The following NT5C1B variants were observed in gnomAD, a reference collection of about 807,000 sequenced individuals.
NT5C1B encodes 5'-nucleotidase, cytosolic IB, also known as cytosolic 5'-nucleotidase 1B.
A neutral mutation model predicts 57.8 loss-of-function variants in NT5C1B; 44 were observed. That is an observed-to-expected ratio of 0.76 (90% CI 0.60 to 0.98). The LOEUF is 0.98. NT5C1B is among the 50% of genes least tolerant of loss of function. The probability of loss-of-function intolerance (pLI) is 0.00; values close to 1 mark genes in which losing one functional copy is unlikely to be tolerated. For synonymous variants in NT5C1B, 284 were observed against 282.6 expected (o/e 1.00, Z -0.05); for missense variants, 742 against 719.5 (o/e 1.03, Z -0.36).
At chr2:18,568,087 GACACACACACACACACACACAC>G (rs3046807) in intron 8 of NT5C1B, among the ~76,000 whole-genome samples, 24 of 142,598 alleles carry the variant, frequency 1.7e-4, no homozygotes, top group Non-Finnish European at 2.4e-4. Context: ...AATGCTGTGG[GACACACACACACACACACACAC>G]ACACACACAC....
At position 18,589,560 on chromosome 2, in the gene NT5C1B, C is replaced by T; in HGVS notation, c.-92G>A. 1.3e-6 allele frequency: 2 copies of T among 1,580,938 alleles called. No individual in the cohort carries two copies. The highest frequency in any genetic ancestry group is 1.1e-5 in the South Asian group (1 of 90,250). On this transcript the variant is annotated 5_prime_UTR_variant, in exon 1 of 9. It removes an upstream start codon present in the reference 5' UTR. Transcript: ENST00000304081. Reference sequence around the variant, plus strand: ...ACTTCCCTTGCTCAGTCTAGCTTTGCATTTAGAATGTCAAATTTATGACAT... The same window carrying T: ...ACTTCCCTTGCTCAGTCTAGCTTTGTATTTAGAATGTCAAATTTATGACAT...
intron 8 of NT5C1B, among the ~76,000 whole-genome samples, chr2:18,567,542 A>T (rs1193893431): frequency 1.3e-5 from 2 of 152,206 alleles, no homozygotes; most frequent in Non-Finnish European, 2.9e-5. Context: ...AAAGTCGACT[A>T]GAAATCTTGA....
intron 2 of NT5C1B, 81 bp downstream of exon 2, chr2:18,587,419 TCCC>T: frequency 6.4e-7 from 1 of 1,572,834 alleles, no homozygotes; most frequent in Non-Finnish European, 8.6e-7. Context: ...TGGTCTTCTC[TCCC>T]AGAACTCCCT....
In NT5C1B at chr2:18,584,672, G is replaced by T. The variant is rs1018978782; in HGVS notation, c.565C>A (p.Arg189Ser). Residue 189 changes from arginine to serine, a missense_variant, in exon 4 of 9, where the codon CGC becomes AGC. Transcript: ENST00000304081. This position sits in a 1 kb window ranked among gnomAD's most constrained non-coding sequence, Gnocchi z 5.8. ...GTGGAGGCGGGGTAGATCCCCCTGC[G>T]CTGGCTGGAGGACTTCCACTCGGTG... 3.1e-6 allele frequency: 5 copies of T among 1,612,232 alleles called. No individual in the cohort carries two copies. Among genetic ancestry groups the T allele is most frequent in the East Asian group, 4.5e-5 (2 of 44,800 alleles).
Position 18,584,389 on chromosome 2 carries a change from G to T in NT5C1B, c.723+125C>A. On this transcript the variant is annotated intron_variant, in intron 4 of 8. Coordinates refer to ENST00000304081, the Ensembl canonical transcript of NT5C1B. The surrounding 1 kb of genome is among the most constrained non-coding windows in gnomAD (Gnocchi z 5.8). ...AAGCGGGATGCTGGAGACAGCTGAGGCTGGGACTCCCCGAAGTTTGGGGAG... is the reference window on the plus strand; with the variant it reads ...AAGCGGGATGCTGGAGACAGCTGAGTCTGGGACTCCCCGAAGTTTGGGGAG... 1 of 1,530,428 alleles carries T rather than the reference G, an allele frequency of 6.5e-7. No individual in the cohort carries two copies. Among genetic ancestry groups the T allele is most frequent in the Non-Finnish European group, 8.8e-7 (1 of 1,139,250 alleles). 94.8% of individuals were successfully genotyped at this position (1,530,428 alleles called of 1,614,324 possible).
chr2:18,584,926 T>C lies in NT5C1B; in HGVS notation c.311A>G (p.His104Arg), dbSNP rs1219681070. 6.5e-7 allele frequency: 1 copy of C among 1,546,538 alleles called. No individual in the cohort carries two copies. Among genetic ancestry groups the C allele is most frequent in the East Asian group, 2.3e-5 (1 of 44,162 alleles). ...GGACAGCGGCGGCGGTGAGGAGTCATGCAGGCTTGGGGAGGTGGATGGAGT... is the reference window on the plus strand; with the variant it reads ...GGACAGCGGCGGCGGTGAGGAGTCACGCAGGCTTGGGGAGGTGGATGGAGT... The change falls in exon 4 of 9, where the codon CAT (histidine) becomes CGT (arginine). Residue 104 changes from histidine (H) to arginine (R), a missense_variant. Transcript: ENST00000304081. This position sits in a 1 kb window ranked among gnomAD's most constrained non-coding sequence, Gnocchi z 5.8.
chr2:18,575,324 T>C (rs1204891657), intron 8 of NT5C1B, among the ~76,000 whole-genome samples: 1 of 152,082 alleles, frequency 6.6e-6, no homozygotes, highest in Non-Finnish European at 1.5e-5. Context: ...CACACTCCCA[T>C]AGTTTAAATA....
intron 6 of NT5C1B, among the ~76,000 whole-genome samples, 161 bp downstream of exon 6, chr2:18,582,707 G>A (rs1239461291): frequency 6.6e-6 from 1 of 152,194 alleles, no homozygotes; most frequent in Non-Finnish European, 1.5e-5. Flanking sequence ...AATGAACATG[G>A]CCTCTCTTGT....
intron 8 of NT5C1B, among the ~76,000 whole-genome samples, chr2:18,569,161 G>C (rs1024497527): frequency 6.6e-6 from 1 of 152,170 alleles, no homozygotes; most frequent in Admixed American, 6.5e-5. Context: ...ATGTTGTAGA[G>C]TATAACATTG....
intron 3 of NT5C1B, 93 bp downstream of exon 3, chr2:18,586,157 AGCAC>A: frequency 6.6e-7 from 1 of 1,516,890 alleles, no homozygotes; most frequent in Non-Finnish European, 8.9e-7. Context: ...ACACATGTAA[AGCAC>A]ATAAACAGGG....
rs780535103 is a variant in NT5C1B at position 18,576,151 on chromosome 2, A to G, written c.1329+33T>C. On this transcript the variant is annotated intron_variant, in intron 8 of 8. Transcript: ENST00000304081. ...TTTATATATTAGAAAATAAATAAGT[A>G]CATAAAAATTAATTAGCACTCATTG... The G allele has an allele frequency of 2.9e-5, 45 of 1,547,516 alleles. No homozygotes were observed. The South Asian group carries it at 5.3e-4, about 18-fold the overall frequency.
At chr2:18,577,881 A>G (rs181773663) in intron 6 of NT5C1B, among the ~76,000 whole-genome samples, 1 of 152,248 alleles carries the variant, frequency 6.6e-6, no homozygotes, top group Non-Finnish European at 1.5e-5. Context: ...ACAAAGAAAA[A>G]CAGAGAGAAA....
At position 18,581,711 on chromosome 2, in the gene NT5C1B, A is replaced by C. The variant is rs1666201779; in HGVS notation, c.1021+1157T>G. 2.6e-5 allele frequency among the ~76,000 whole-genome samples: 4 copies of C among 152,210 alleles called. No homozygotes were observed. In the South Asian group the frequency reaches 8.3e-4, roughly 32 times the overall value. On this transcript the variant is annotated intron_variant, in intron 6 of 8. Coordinates refer to ENST00000304081, the Ensembl canonical transcript of NT5C1B. ...TTATTTGGTGACACTGAGACTCCAG[A>C]AATGATTAAAGCATCATCCCTCTTC... is the stretch of plus-strand genomic sequence containing the variant.
At chr2:18,563,917 C>A in exon 9 of NT5C1B, 1 of 1,614,170 alleles carries the variant, frequency 6.2e-7, no homozygotes, top group Non-Finnish European at 8.5e-7. Flanking sequence ...CAAGATGGGA[C>A]TTTTGGGGGC....
chr2:18,582,849 T>A lies in NT5C1B; in HGVS notation c.1021+19A>T. ...CAGAGCGGAGAGCTGGTCTTCCACA[T>A]GGTATTTATTTTACTTACCGTAGTG... is the stretch of plus-strand genomic sequence containing the variant. On this transcript the variant is annotated intron_variant, in intron 6 of 8. Coordinates refer to ENST00000304081, the Ensembl canonical transcript of NT5C1B. 6.2e-7 allele frequency: 1 copy of A among 1,610,672 alleles called. No homozygotes were observed. Among genetic ancestry groups the A allele is most frequent in the Non-Finnish European group, 8.5e-7 (1 of 1,178,454 alleles).
rs368786487 is a variant in NT5C1B, at chr2:18,587,516, C to T, written c.107G>A (p.Arg36His). The change falls in exon 2 of 9, where the codon CGT becomes CAT. Residue 36 changes from arginine to histidine, a missense_variant. Transcript: ENST00000304081. ...AGATCAGCTCACCTGATTGCTCAGACGAACTCCTGTTTTGTCAGATTCCTT... is the reference window on the plus strand; with the variant it reads ...AGATCAGCTCACCTGATTGCTCAGATGAACTCCTGTTTTGTCAGATTCCTT... 53 of 1,613,800 alleles carry T rather than the reference C, an allele frequency of 3.3e-5. No homozygotes were observed. The East Asian group carries it at 3.3e-4, about 10-fold the overall frequency.
In NT5C1B at chr2:18,589,427, C is replaced by T. The variant is rs368256552; in HGVS notation, c.30+12G>A. 47 of 1,614,066 alleles carry T rather than the reference C, an allele frequency of 2.9e-5. No individual in the cohort carries two copies. In the African/African-American group the frequency reaches 3.6e-4, roughly 12 times the overall value. On this transcript the variant is annotated intron_variant, in intron 1 of 8. Transcript: ENST00000304081. ...CCCCATGGCAAGATTCTAAGACACT[C>T]GGTTCACTCACCTTTTTCTGTTTGA...
intron 8 of NT5C1B, among the ~76,000 whole-genome samples, chr2:18,569,217 G>A (rs953567889): frequency 3.3e-5 from 5 of 151,932 alleles, no homozygotes; most frequent in African/African-American, 4.8e-5. Flanking sequence ...AAACACTAGC[G>A]TAACTAATAA....
At chr2:18,589,272 C>T (rs888030543) in intron 1 of NT5C1B, among the ~76,000 whole-genome samples, 167 bp downstream of exon 1, 2 of 152,182 alleles carry the variant, frequency 1.3e-5, no homozygotes, top group African/African-American at 4.8e-5. Flanking sequence ...CTTCCCTTTT[C>T]TGTACTCTTT....
Sources: allele counts gnomAD v4.1 joint callset (sites outside exome capture counted in the v4.1 genomes callset), GRCh38; gene constraint gnomAD v4.1.1; non-coding constraint Gnocchi (gnomAD v3.1); transcripts MANE v1.5; gene names NCBI Gene and HGNC (gene_info 2026-07-23, HGNC 2026-07-21).